The following MSI2 variants were observed in gnomAD, a reference collection of about 807,000 sequenced individuals.
MSI2 encodes RNA-binding protein Musashi homolog 2.
In MSI2, 17 loss-of-function variants were observed where a neutral mutation model predicts 45.6. That is an observed-to-expected ratio of 0.37 (90% CI 0.26 to 0.56). The LOEUF (loss-of-function observed/expected upper bound fraction) is 0.56. Ranked by LOEUF, MSI2 falls within the 20% of genes least tolerant of loss-of-function variation. The pLI is 0.77. For synonymous variants in MSI2, 156 were observed against 158.2 expected (o/e 0.99, Z 0.11); for missense variants, 293 against 444.2 (o/e 0.66, Z 3.06).
chr17:57,562,911 A>G (rs1255793242), intron 7 of MSI2, among the ~76,000 whole-genome samples: 1 of 152,098 alleles, frequency 6.6e-6, no homozygotes, highest in African/African-American at 2.4e-5. Context: ...CAGCCTGACC[A>G]ACATGACGAA....
chr17:57,320,152 G>A (rs1039792759), intron 5 of MSI2, among the ~76,000 whole-genome samples: 26 of 152,118 alleles, frequency 1.7e-4, no homozygotes, highest in African/African-American at 4.3e-4. Flanking sequence ...TGTTCCGATC[G>A]AAAGAAATAC....
chr17:57,579,793 T>C (rs2088153389), intron 7 of MSI2, among the ~76,000 whole-genome samples: 1 of 152,184 alleles, frequency 6.6e-6, no homozygotes, highest in Non-Finnish European at 1.5e-5. Context: ...TTCGGTGTAC[T>C]CTCTCCTTAA....
chr17:57,636,551 C>CT (rs1909856590), intron 10 of MSI2, among the ~76,000 whole-genome samples: 1 of 152,188 alleles, frequency 6.6e-6, no homozygotes, highest in South Asian at 2.1e-4. Flanking sequence ...CCTGCCTTGG[C>CT]GTCTCCTGTG....
chr17:57,361,203 T>A (rs563119287), intron 5 of MSI2, among the ~76,000 whole-genome samples: 1 of 152,306 alleles, frequency 6.6e-6, no homozygotes, highest in South Asian at 2.1e-4. Flanking sequence ...TAACCTATCA[T>A]CAACTAGAGC....
At chr17:57,597,031 A>C in intron 8 of MSI2, 81 bp downstream of exon 8, 2 of 1,054,034 alleles carry the variant, frequency 1.9e-6, no homozygotes, top group South Asian at 1.3e-5. Flanking sequence ...GGTCCAGCCC[A>C]TCATCAGGCT....
At chr17:57,336,698 TATAAC>T (rs1012432199) in intron 5 of MSI2, among the ~76,000 whole-genome samples, 12 of 152,364 alleles carry the variant, frequency 7.9e-5, no homozygotes, top group Middle Eastern at 6.8e-3. Flanking sequence ...TTATGGTTGT[TATAAC>T]ATACAGTAAT....
chr17:57,645,909 C>T (rs1038905481), intron 10 of MSI2, among the ~76,000 whole-genome samples: 2 of 152,170 alleles, frequency 1.3e-5, no homozygotes, highest in African/African-American at 4.8e-5. Flanking sequence ...TAGCTGTGTC[C>T]CATCTGCTGG....
At chr17:57,309,660 A>G (rs1281785453) in intron 5 of MSI2, among the ~76,000 whole-genome samples, 1 of 152,214 alleles carries the variant, frequency 6.6e-6, no homozygotes, top group Non-Finnish European at 1.5e-5. Flanking sequence ...CTTGAGGGGA[A>G]TTCCTTCTCA....
intron 6 of MSI2, among the ~76,000 whole-genome samples, chr17:57,415,361 A>G (rs946013281): frequency 9.0e-6 from 1 of 110,906 alleles, no homozygotes; most frequent in Non-Finnish European, 1.8e-5. Flanking sequence ...TTACTGCCAG[A>G]CTGTCGGGAA....
the MSI2 span, among the ~76,000 whole-genome samples, chr17:57,691,761 A>G: frequency 3.9e-5 from 6 of 152,196 alleles, no homozygotes; most frequent in Non-Finnish European, 5.9e-5. Context: ...CTTTCTATGT[A>G]GATAATCATA....
chr17:57,388,221 T>C (rs1313791649), intron 5 of MSI2, among the ~76,000 whole-genome samples: 3 of 152,256 alleles, frequency 2.0e-5, no homozygotes, highest in Admixed American at 6.5e-5. Context: ...TCTCTTTTAC[T>C]ACAAGCCTTT....
At chr17:57,631,930 T>C in intron 10 of MSI2, 3 of 1,538,988 alleles carry the variant, frequency 1.9e-6, no homozygotes, top group South Asian at 2.4e-5. Context: ...CAATGCTCAC[T>C]GAAAGTCTGT....
intron 6 of MSI2, among the ~76,000 whole-genome samples, chr17:57,485,998 G>A (rs777552640): frequency 3.3e-5 from 5 of 152,184 alleles, no homozygotes; most frequent in East Asian, 1.9e-4. Flanking sequence ...AGCCGTTAGG[G>A]TACTGCAGGG....
At chr17:57,631,459 G>A (rs532053525) in intron 10 of MSI2, 19 of 294,108 alleles carry the variant, frequency 6.5e-5, no homozygotes, top group Admixed American at 1.5e-4. Flanking sequence ...GGACCTTCCT[G>A]GGCCACACAG....
chr17:57,518,789 TGCTGAACACGG>T (rs1301654139), intron 6 of MSI2, among the ~76,000 whole-genome samples: 3 of 152,196 alleles, frequency 2.0e-5, no homozygotes, highest in Non-Finnish European at 4.4e-5. Context: ...TCACAATCAG[TGCTGAACACGG>T]GCCTGGATTT....
chr17:57,617,466 G>A (rs977362720), intron 9 of MSI2, among the ~76,000 whole-genome samples: 1 of 152,194 alleles, frequency 6.6e-6, no homozygotes, highest in Non-Finnish European at 1.5e-5. Flanking sequence ...AAAGGGTAGA[G>A]TCTAAACTAA....
At chr17:57,546,296 G>C (rs979645723) in intron 7 of MSI2, among the ~76,000 whole-genome samples, 1 of 152,134 alleles carries the variant, frequency 6.6e-6, no homozygotes, top group Non-Finnish European at 1.5e-5. Context: ...TAATAGCAGC[G>C]GCAACAAGGG....
At chr17:57,436,599 G>A (rs1005570444) in intron 6 of MSI2, among the ~76,000 whole-genome samples, 1 of 152,200 alleles carries the variant, frequency 6.6e-6, no homozygotes, top group Non-Finnish European at 1.5e-5. Flanking sequence ...CAAGAGCCTG[G>A]GGCAGAGGAG....
intron 5 of MSI2, among the ~76,000 whole-genome samples, chr17:57,387,148 G>T (rs868137917): frequency 4.6e-5 from 7 of 152,194 alleles, no homozygotes; most frequent in African/African-American, 1.2e-4. Flanking sequence ...TGGGTTGGGC[G>T]CATTGGGGAA....
Sources: gnomAD v4.1 joint callset for allele counts (sites outside exome capture counted in the v4.1 genomes callset) on GRCh38, gnomAD v4.1.1 for gene constraint, MANE v1.5 for transcripts, NCBI Gene and HGNC (gene_info 2026-07-23, HGNC 2026-07-21) for gene names.